The following MINDY4 variants were observed in gnomAD, a reference collection of about 807,000 sequenced individuals.
MINDY4 encodes the protein MINDY lysine 48 deubiquitinase 4.
MINDY4 carries 68 observed loss-of-function variants against 87.0 expected under a neutral mutation model. The ratio of observed to expected loss-of-function variants is 0.78; its 90% CI spans 0.64 to 0.96. MINDY4 has a LOEUF of 0.96. Among genes scored for constraint, MINDY4 ranks in the 40% least tolerant of loss-of-function variants. The probability of loss-of-function intolerance (pLI) is 0.00; values close to 1 mark genes in which losing one functional copy is unlikely to be tolerated. For synonymous variants in MINDY4, 379 were observed against 363.2 expected, an observed-to-expected ratio of 1.04 and a Z score of -0.50; for missense variants, 919 against 928.2, an observed-to-expected ratio of 0.99 and a Z score of 0.13.
chr7:30,849,457 T>TA lies in MINDY4; in HGVS notation c.1446-996dup, dbSNP rs145827420. ...AATATGAAATGGAAAGAAATACGTA[T>TA]ATTCGGCTGTTTCCCTTCCCTCTCA... is the stretch of plus-strand genomic sequence containing the variant. On this transcript the variant is annotated intron_variant, in intron 9 of 17. Coordinates refer to ENST00000265299, the MANE Select transcript of MINDY4 (RefSeq NM_032222.3). Among the ~76,000 whole-genome samples the TA allele has an allele frequency of 3.1e-3, 473 of 152,368 alleles. 1 individual carries two copies. Among genetic ancestry groups the TA allele is most frequent in the African/African-American group, 0.011 (450 of 41,578 alleles).
rs1181254008 is a variant in MINDY4 at position 30,882,343 on chromosome 7, C to T, written c.2134C>T (p.Gln712Ter). 1.9e-6 allele frequency: 3 copies of T among 1,599,692 alleles called. No individual in the cohort carries two copies. The highest frequency in any genetic ancestry group is 3.4e-5 in the Admixed American group (2 of 59,570). Residue 712 changes from glutamine (Q) to a stop codon, truncating the protein, a stop_gained, in exon 16 of 18, where the codon CAG (glutamine) becomes TAG (stop). Coordinates refer to ENST00000265299, the MANE Select transcript of MINDY4 (RefSeq NM_032222.3). LOFTEE classifies it high-confidence loss of function. ...YYDGLANQQE[Q>*]IRLTIDTTQT... ...CGATGGCCTGGCCAACCAGCAGGAGCAGATCCGGCTGACCATTGGTGCGGG... is the reference window on the plus strand; with the variant it reads ...CGATGGCCTGGCCAACCAGCAGGAGTAGATCCGGCTGACCATTGGTGCGGG...
chr7:30,777,699 G>A (rs780831913), intron 1 of MINDY4, among the ~76,000 whole-genome samples: 99 of 152,296 alleles, frequency 6.5e-4, no homozygotes, highest in Non-Finnish European at 1.3e-3. Flanking sequence ...CTAACACCAG[G>A]CTGAGCTGTT....
At chr7:30,793,517 G>A (rs1732123184) in intron 5 of MINDY4, among the ~76,000 whole-genome samples, 1 of 151,674 alleles carries the variant, frequency 6.6e-6, no homozygotes, top group Admixed American at 6.6e-5. Flanking sequence ...CCACGCTCAG[G>A]CAATCCTCCC....
chr7:30,817,924 G>A (rs1466092364), intron 5 of MINDY4, among the ~76,000 whole-genome samples: 1 of 152,180 alleles, frequency 6.6e-6, no homozygotes, highest in Non-Finnish European at 1.5e-5. Context: ...CTGGACTCTG[G>A]TCCTGGGGTT....
intron 14 of MINDY4, among the ~76,000 whole-genome samples, chr7:30,874,235 G>C (rs866168839): frequency 1.3e-5 from 2 of 152,210 alleles, no homozygotes; most frequent in African/African-American, 2.4e-5. Flanking sequence ...GGCTGGGCTC[G>C]CTCAAATTCC....
At position 30,771,481 on chromosome 7, in the gene MINDY4, C is replaced by G; in HGVS notation, c.-13C>G. ...CCGGCGTGGGCCTCGTGGGCAGAGC[C>G]AGAGCCAGAGCCATGGACAGCCTCT... is the stretch of plus-strand genomic sequence containing the variant. On this transcript the variant is annotated 5_prime_UTR_variant, in exon 1 of 18. Transcript: ENST00000265299. 1 of 1,600,584 alleles carries G rather than the reference C, an allele frequency of 6.2e-7. No individual in the cohort carries two copies. Among genetic ancestry groups the G allele is most frequent in the South Asian group, 1.1e-5 (1 of 87,768 alleles).
At chr7:30,847,658 A>C (rs1211142236) in intron 9 of MINDY4, among the ~76,000 whole-genome samples, 1 of 152,246 alleles carries the variant, frequency 6.6e-6, no homozygotes, top group Non-Finnish European at 1.5e-5. Flanking sequence ...ATGAAATAAC[A>C]TGGAAAGAGT....
At chr7:30,796,020 G>A (rs900442699) in intron 5 of MINDY4, among the ~76,000 whole-genome samples, 8 of 152,168 alleles carry the variant, frequency 5.3e-5, no homozygotes, top group African/African-American at 9.6e-5. Flanking sequence ...CCATGTAACC[G>A]AACACATTCA....
Position 30,882,374 on chromosome 7 carries a change from A to AGGCCCCCCCCCCCC in MINDY4, c.2152+13_2152+14insGGCCCCCCCCCCCC. The AGGCCCCCCCCCCCC allele has an allele frequency of 7.0e-7, 1 of 1,420,804 alleles. No homozygotes were observed. Among genetic ancestry groups the AGGCCCCCCCCCCCC allele is most frequent in the Non-Finnish European group, 9.4e-7 (1 of 1,061,596 alleles). The allele number at this position is 1,420,804 out of a possible 1,614,324, so 88.0% of individuals were successfully genotyped here. On this transcript the variant is annotated intron_variant, in intron 16 of 17. Coordinates refer to ENST00000265299, the MANE Select transcript of MINDY4 (RefSeq NM_032222.3). ...CGGCTGACCATTGGTGCGGGCCCTCACCCCCCCACCCACCCAACCCTGTCC... is the reference window on the plus strand; with the variant it reads ...CGGCTGACCATTGGTGCGGGCCCTCAGGCCCCCCCCCCCCCCCCCCCACCCACCCAACCCTGTCC...
intron 5 of MINDY4, among the ~76,000 whole-genome samples, chr7:30,800,340 C>T (rs766060187): frequency 3.1e-4 from 47 of 152,286 alleles, no homozygotes; most frequent in Admixed American, 2.0e-3. Flanking sequence ...GAGACTGAAA[C>T]GAAACTGTTT....
intron 2 of MINDY4, 45 bp downstream of exon 2, chr7:30,778,596 T>G (rs1481093565): frequency 6.2e-7 from 1 of 1,611,732 alleles, no homozygotes; most frequent in Non-Finnish European, 8.5e-7. Flanking sequence ...GAACTGAGTT[T>G]GGCACTGCCA....
At chr7:30,855,054 AG>A (rs1171753070) in intron 12 of MINDY4, among the ~76,000 whole-genome samples, 1 of 152,116 alleles carries the variant, frequency 6.6e-6, no homozygotes, top group Admixed American at 6.5e-5. Flanking sequence ...TTTTCACTGG[AG>A]TCACTCAGTA....
chr7:30,792,680 T>C (rs1333478798), intron 5 of MINDY4, among the ~76,000 whole-genome samples: 1 of 152,200 alleles, frequency 6.6e-6, no homozygotes, highest in East Asian at 1.9e-4. Flanking sequence ...ATTATCACTT[T>C]GAAGTTTGTG....
intron 5 of MINDY4, chr7:30,803,383 T>C (rs1390959053): frequency 6.6e-6 from 1 of 152,222 alleles, no homozygotes; most frequent in Non-Finnish European, 1.5e-5. Flanking sequence ...TATGAGGTCT[T>C]TCCTTAACTT....
In MINDY4 at chr7:30,785,921, G is replaced by A; in HGVS notation, c.592G>A (p.Glu198Lys). Residue 198 changes from glutamate (E) to lysine (K), a missense_variant, in exon 4 of 18, where the codon GAG becomes AAG. Transcript: ENST00000265299. ...EPSLDVKRMG[E>K]NSRPKSGLIV... ...TTCCTTGGATGTGAAGAGGATGGGA[G>A]AGAATTCCAGGCCAAAGTCTGGTCT... is the stretch of plus-strand genomic sequence containing the variant. 6.2e-7 allele frequency: 1 copy of A among 1,614,248 alleles called. No individual in the cohort carries two copies. Among genetic ancestry groups the A allele is most frequent in the Admixed American group, 1.7e-5 (1 of 60,030 alleles).
At chr7:30,869,867 A>G (rs901712011) in intron 13 of MINDY4, among the ~76,000 whole-genome samples, 2 of 152,172 alleles carry the variant, frequency 1.3e-5, no homozygotes, top group East Asian at 3.9e-4. Flanking sequence ...GAACTAAGCC[A>G]TATGGATTGC....
At chr7:30,822,352 G>C (rs1788360926) in intron 5 of MINDY4, among the ~76,000 whole-genome samples, 1 of 151,934 alleles carries the variant, frequency 6.6e-6, no homozygotes, top group Non-Finnish European at 1.5e-5. Context: ...TGTATTTTTA[G>C]TAGAGACAGG....
intron 5 of MINDY4, among the ~76,000 whole-genome samples, chr7:30,827,469 C>T (rs1788548079): frequency 6.6e-6 from 1 of 152,128 alleles, no homozygotes; most frequent in African/African-American, 2.4e-5. Context: ...TGTCGACTGC[C>T]CCTTCCACAT....
chr7:30,782,342 TTGTGTGTGTG>T (rs56380069), intron 3 of MINDY4, 130 bp downstream of exon 3: 21 of 578,578 alleles, frequency 3.6e-5, no homozygotes, highest in African/African-American at 1.9e-4. Context: ...GTGTGTATGT[TTGTGTGTGTG>T]TGTGTGTGTG....
Sources: gnomAD v4.1 joint callset for allele counts (sites outside exome capture counted in the v4.1 genomes callset) on GRCh38, gnomAD v4.1.1 for gene constraint, MANE v1.5 for transcripts, NCBI Gene and HGNC (gene_info 2026-07-23, HGNC 2026-07-21) for gene names.